The following LY75 variants were observed in gnomAD, a reference collection of about 807,000 sequenced individuals.
LY75 encodes lymphocyte antigen 75.
LY75 carries 185 observed loss-of-function variants against 231.7 expected under a neutral mutation model. The ratio of observed to expected loss-of-function variants is 0.80; its 90% CI spans 0.71 to 0.90. The LOEUF is 0.90. Ranked by LOEUF, LY75 falls within the 40% of genes least tolerant of loss-of-function variation. The pLI is 0.00. For synonymous variants in LY75, 668 were observed against 689.0 expected, an observed-to-expected ratio of 0.97 and a Z score of 0.48; for missense variants, 1,947 against 2,050.2, an observed-to-expected ratio of 0.95 and a Z score of 0.97.
Position 159,888,235 on chromosome 2 carries a change from TG to T in LY75, c.803-1706del, listed in dbSNP as rs1439658758. 3.3e-5 allele frequency among the ~76,000 whole-genome samples: 5 copies of T among 152,118 alleles called. No homozygotes were observed. In the East Asian group the frequency reaches 9.6e-4, roughly 29 times the overall value. ...GGGGTACGTAGTATAACAAAAAAGC[TG>T]GGCATGATCCTGTGCTCCTGTAGTC... On this transcript the variant is annotated intron_variant, in intron 4 of 34. Coordinates refer to ENST00000263636, the MANE Select transcript of LY75 (RefSeq NM_002349.4).
intron 16 of LY75, among the ~76,000 whole-genome samples, chr2:159,855,346 C>T (rs185857129): frequency 6.6e-6 from 1 of 152,302 alleles, no homozygotes; most frequent in Non-Finnish European, 1.5e-5. Flanking sequence ...TCAGGAACCA[C>T]TTCTGCATCT....
At position 159,853,759 on chromosome 2, in the gene LY75, G is replaced by A. The variant is rs117095779; in HGVS notation, c.2596-62C>T. ...TGAGCTTTCTTGAGGGTTTTGATTC[G>A]AATACATTGTCTTACTATAATCACT... On this transcript the variant is annotated intron_variant, in intron 18 of 34. Coordinates refer to ENST00000263636, the MANE Select transcript of LY75 (RefSeq NM_002349.4). 8.7e-4 allele frequency: 1,392 copies of A among 1,602,104 alleles called. 27 individuals carry two copies. In the East Asian group the frequency reaches 0.027, roughly 31 times the overall value.
chr2:159,818,390 C>T (rs1286266037), intron 29 of LY75, among the ~76,000 whole-genome samples: 9 of 152,156 alleles, frequency 5.9e-5, no homozygotes, highest in African/African-American at 2.2e-4. Context: ...AAACTTATAA[C>T]CCCAGTTTAA....
In LY75 at chr2:159,890,296, C is replaced by T; in HGVS notation, c.719G>A (p.Trp240Ter). 3 of 1,613,456 alleles carry T rather than the reference C, an allele frequency of 1.9e-6. No individual in the cohort carries two copies. Among genetic ancestry groups the T allele is most frequent in the Non-Finnish European group, 8.5e-7 (1 of 1,179,678 alleles). Residue 240 changes from tryptophan (W) to a stop codon, truncating the protein, a stop_gained, in exon 4 of 35, where the codon TGG (tryptophan) becomes TAG (stop). Coordinates refer to ENST00000263636, the MANE Select transcript of LY75 (RefSeq NM_002349.4). LOFTEE classifies it high-confidence loss of function. ...YQFNTQTALS[W>*]KEAYVSCQNQ... ...CTGACATGAAACATAAGCTTCTTTC[C>T]AAGAAAGAGCCGTCTGAGTATTAAA...
rs1685242335 is a variant in LY75 at position 159,875,556 on chromosome 2, G to C, written c.1862C>G (p.Ser621Ter). ...VKDCRSFKAL[S>*]ICKKMSGPLG... ...GGGTCCACTCATTTTCTTGCAAATT[G>C]AAAGTGCTTTGAAGCTTCTGCAGTC... Residue 621 changes from serine to a stop codon, truncating the protein, a stop_gained, in exon 12 of 35, where the codon TCA becomes TGA. Transcript: ENST00000263636. LOFTEE classifies it high-confidence loss of function. 6.8e-6 allele frequency: 11 copies of C among 1,613,976 alleles called. No homozygotes were observed. The highest frequency in any genetic ancestry group is 8.5e-6 in the Non-Finnish European group (10 of 1,180,012).
chr2:159,892,459 T>C lies in LY75; in HGVS notation c.637+1455A>G, dbSNP rs1279383243. ...TGCCTCACTGTGATCATCTGTAAAA[T>C]GGGGATAAAGTATGGTACCTTTCAG... On this transcript the variant is annotated intron_variant, in intron 3 of 34. Coordinates refer to ENST00000263636, the MANE Select transcript of LY75 (RefSeq NM_002349.4). Among the ~76,000 whole-genome samples, 4 of 152,260 alleles carry C rather than the reference T, an allele frequency of 2.6e-5. No homozygotes were observed. The East Asian group carries it at 7.7e-4, about 29-fold the overall frequency.
At position 159,806,069 on chromosome 2, in the gene LY75, C is replaced by T. The variant is rs914606804; in HGVS notation, c.4991-847G>A. 1.4e-4 allele frequency among the ~76,000 whole-genome samples: 22 copies of T among 152,282 alleles called. No individual in the cohort carries two copies. In the South Asian group the frequency reaches 2.1e-3, roughly 14 times the overall value. On this transcript the variant is annotated intron_variant, in intron 34 of 34. Coordinates refer to ENST00000263636, the MANE Select transcript of LY75 (RefSeq NM_002349.4). Reference sequence around the variant, plus strand: ...GGCTTGATTTTTTAGATCTTAGCTTCGGTGTCTCCTGCTTCTAGGCTTCTT... The same window carrying T: ...GGCTTGATTTTTTAGATCTTAGCTTTGGTGTCTCCTGCTTCTAGGCTTCTT...
At chr2:159,876,455 G>A (rs1298363253) in intron 11 of LY75, among the ~76,000 whole-genome samples, 1 of 152,096 alleles carries the variant, frequency 6.6e-6, no homozygotes, top group Non-Finnish European at 1.5e-5. Flanking sequence ...AACAGCAAGA[G>A]GAATAAGAAA....
chr2:159,852,083 T>G, intron 21 of LY75, 118 bp downstream of exon 21: 1 of 1,401,372 alleles, frequency 7.1e-7, no homozygotes. Flanking sequence ...GGTGGGATCC[T>G]GAAACATGCA....
At chr2:159,902,268 G>A (rs1170938414) in intron 1 of LY75, 1 of 152,200 alleles carries the variant, frequency 6.6e-6, no homozygotes, top group Non-Finnish European at 1.5e-5. Flanking sequence ...AGAAGTTGAT[G>A]AAGAGAAGCC....
intron 34 of LY75, among the ~76,000 whole-genome samples, chr2:159,806,186 A>T (rs148476087): frequency 9.1e-4 from 139 of 152,260 alleles, no homozygotes; most frequent in African/African-American, 3.1e-3. Flanking sequence ...TAAAAAATTG[A>T]CCTGTTTACT....
rs778067734 is a variant in LY75 at position 159,872,542 on chromosome 2, G to T, written c.2026C>A (p.Arg676=). 4.3e-6 allele frequency: 7 copies of T among 1,613,808 alleles called. No homozygotes were observed. Among genetic ancestry groups the T allele is most frequent in the African/African-American group, 2.7e-5 (2 of 74,918 alleles). Residue 676 remains arginine, a synonymous_variant, in exon 13 of 35, where the codon CGA becomes AGA. Transcript: ENST00000263636. ...TGTGCTCCAAGGGCTTGGCAGAATC[G>T]TTCAGCTTCTTCCCAGTTCCTCTTT... ...VRKRNWEEAE[R]FCQALGAHLS...
intron 31 of LY75, among the ~76,000 whole-genome samples, chr2:159,811,470 G>C (rs1682958631): frequency 1.3e-5 from 2 of 152,170 alleles, no homozygotes; most frequent in Non-Finnish European, 2.9e-5. Context: ...AAACTGGAAA[G>C]TAAATTGTCA....
At chr2:159,858,538 A>G in intron 15 of LY75, 62 bp from the exon 16 acceptor site, 1 of 1,519,090 alleles carries the variant, frequency 6.6e-7, no homozygotes, top group East Asian at 2.3e-5. Flanking sequence ...GGAACACTAA[A>G]CTGTAAGCCC....
Position 159,899,069 on chromosome 2 carries a change from A to G in LY75, c.95-10T>C. ...GTGAAGGGGTCATTAGCTGAGTCAAATGGACAGACAGATTGTAGATTATGT... is the reference window on the plus strand; with the variant it reads ...GTGAAGGGGTCATTAGCTGAGTCAAGTGGACAGACAGATTGTAGATTATGT... On this transcript the variant is annotated splice_polypyrimidine_tract_variant and intron_variant, in intron 1 of 34. Transcript: ENST00000263636. 6.2e-7 allele frequency: 1 copy of G among 1,607,076 alleles called. No homozygotes were observed. The highest frequency in any genetic ancestry group is 8.5e-7 in the Non-Finnish European group (1 of 1,176,712).
intron 12 of LY75, among the ~76,000 whole-genome samples, chr2:159,873,624 C>T (rs1472578839): frequency 2.0e-5 from 3 of 151,952 alleles, no homozygotes; most frequent in Admixed American, 2.0e-4. Context: ...TGTTTGTTGT[C>T]ATAGCCACCG....
chr2:159,810,704 A>T, intron 31 of LY75, 29 bp from the exon 32 acceptor site: 1 of 1,596,428 alleles, frequency 6.3e-7, no homozygotes, highest in Non-Finnish European at 8.5e-7. Flanking sequence ...CAGTTGTAAC[A>T]ATGCATGGAA....
chr2:159,860,753 T>G (rs895469773), intron 15 of LY75, 68 bp downstream of exon 15: 1 of 1,574,548 alleles, frequency 6.4e-7, no homozygotes, highest in African/African-American at 1.4e-5. Context: ...TCCATGGATC[T>G]GTTACTTGAC....
chr2:159,863,581 G>A (rs1684775607), intron 14 of LY75, among the ~76,000 whole-genome samples: 1 of 151,962 alleles, frequency 6.6e-6, no homozygotes, highest in African/African-American at 2.4e-5. Flanking sequence ...TATGACTGTT[G>A]GCCATCTGTA....
Sources: allele counts gnomAD v4.1 joint callset (sites outside exome capture counted in the v4.1 genomes callset), GRCh38; gene constraint gnomAD v4.1.1; transcripts MANE v1.5; gene names NCBI Gene and HGNC (gene_info 2026-07-23, HGNC 2026-07-21).